The following ARID3B variants were observed in gnomAD, a reference collection of about 807,000 sequenced individuals.
ARID3B encodes AT-rich interactive domain-containing protein 3B.
A neutral mutation model predicts 51.9 loss-of-function variants in ARID3B; 10 were observed. That is an observed-to-expected ratio of 0.19 (90% CI 0.12 to 0.33). The LOEUF (loss-of-function observed/expected upper bound fraction) is 0.33, where lower values mean the gene tolerates loss of function less well. ARID3B is among the 10% of genes least tolerant of loss of function. The pLI is 1.00. For missense variants in ARID3B, 483 were observed against 716.3 expected, an observed-to-expected ratio of 0.67 and a Z score of 3.72; for synonymous variants, 205 against 279.5, an observed-to-expected ratio of 0.73 and a Z score of 2.66.
intron 4 of ARID3B, among the ~76,000 whole-genome samples, chr15:74,582,823 A>G (rs969798400): frequency 6.6e-6 from 1 of 152,218 alleles, no homozygotes; most frequent in Non-Finnish European, 1.5e-5. Context: ...ACTGGAAAGA[A>G]TTCCAATGTC....
chr15:74,595,587 C>T (rs1307515259), intron 8 of ARID3B, 24 bp from the exon 9 acceptor site: 1 of 1,607,972 alleles, frequency 6.2e-7, no homozygotes, highest in Non-Finnish European at 8.5e-7. Context: ...TCTGCCCACA[C>T]TTGCTTCTCT....
At chr15:74,555,379 G>T in intron 2 of ARID3B, among the ~76,000 whole-genome samples, 1 of 152,018 alleles carries the variant, frequency 6.6e-6, no homozygotes, top group East Asian at 1.9e-4. Flanking sequence ...ACCCAGGGTG[G>T]AGTGCAGTGA....
Position 74,573,159 on chromosome 15 carries a change from A to C in ARID3B, c.652A>C (p.Arg218=). 2 of 1,614,138 alleles carry C rather than the reference A, an allele frequency of 1.2e-6. No homozygotes were observed. Among genetic ancestry groups the C allele is most frequent in the Non-Finnish European group, 1.7e-6 (2 of 1,180,026 alleles). Residue 218 remains arginine, a synonymous_variant, in exon 4 of 9, where the codon AGG becomes CGG. Transcript: ENST00000346246. ...KLYELDGDPE[R]KEFLDDLFVF... ...GTATGAACTGGACGGTGATCCTGAAAGGAAAGAGTTCCTGGATGACCTCTT... is the reference window on the plus strand; with the variant it reads ...GTATGAACTGGACGGTGATCCTGAACGGAAAGAGTTCCTGGATGACCTCTT...
Position 74,591,525 on chromosome 15 carries a change from A to C in ARID3B, c.1166-35A>C. 1 of 1,599,952 alleles carries C rather than the reference A, an allele frequency of 6.3e-7. No individual in the cohort carries two copies. Among genetic ancestry groups the C allele is most frequent in the South Asian group, 1.1e-5 (1 of 90,164 alleles). On this transcript the variant is annotated intron_variant, in intron 6 of 8. Coordinates refer to ENST00000346246, the MANE Select transcript of ARID3B (RefSeq NM_006465.4). The surrounding 1 kb of genome is among the most constrained non-coding windows in gnomAD (Gnocchi z 5.8). Reference sequence around the variant, plus strand: ...ACTGGGGTTTTGGGGCAAGAGGGTCAATTGTGGATTGGTCCAGCTCCAGTT... The same window carrying C: ...ACTGGGGTTTTGGGGCAAGAGGGTCCATTGTGGATTGGTCCAGCTCCAGTT...
Position 74,544,454 on chromosome 15 carries a change from A to G in ARID3B, c.518A>G (p.Gln173Arg), listed in dbSNP as rs753023065. The change falls in exon 2 of 9, where the codon CAG becomes CGG. Residue 173 changes from glutamine (Q) to arginine (R), a missense_variant. Transcript: ENST00000346246. ...KASPSVSTAG[Q>R]PNWNLDEQLK... Reference sequence around the variant, plus strand: ...TCACCTTCTGTCTCCACAGCAGGACAGCCGAACTGGAATCTGGATGAGCAG... The same window carrying G: ...TCACCTTCTGTCTCCACAGCAGGACGGCCGAACTGGAATCTGGATGAGCAG... The G allele has an allele frequency of 1.2e-6, 2 of 1,613,980 alleles. No homozygotes were observed. The highest frequency in any genetic ancestry group is 1.7e-6 in the Non-Finnish European group (2 of 1,179,984).
chr15:74,584,584 G>A (rs141313905), intron 4 of ARID3B, among the ~76,000 whole-genome samples: 6 of 152,254 alleles, frequency 3.9e-5, no homozygotes, highest in African/African-American at 7.2e-5. Flanking sequence ...CCCTGGAACC[G>A]GCCCATTCTC....
chr15:74,566,780 AAG>A (rs2061700626), intron 2 of ARID3B, among the ~76,000 whole-genome samples: 1 of 152,190 alleles, frequency 6.6e-6, no homozygotes, highest in African/African-American at 2.4e-5. Flanking sequence ...AAAATAAAAA[AAG>A]AGCATAATTG....
intron 4 of ARID3B, among the ~76,000 whole-genome samples, chr15:74,575,995 G>A (rs1433017446): frequency 6.6e-6 from 1 of 152,174 alleles, no homozygotes; most frequent in Non-Finnish European, 1.5e-5. Context: ...GTGCTGAGCT[G>A]AAGCCTTTCT....
intron 2 of ARID3B, among the ~76,000 whole-genome samples, chr15:74,565,741 T>G (rs1012806235): frequency 3.9e-5 from 6 of 151,914 alleles, no homozygotes; most frequent in South Asian, 2.1e-4. Flanking sequence ...TTTGTTTTTT[T>G]TTTTTTTAAT....
Position 74,591,068 on chromosome 15 carries a change from G to C in ARID3B, c.882-83G>C, listed in dbSNP as rs1251690343. 1.3e-6 allele frequency: 2 copies of C among 1,516,708 alleles called. No individual in the cohort carries two copies. Among genetic ancestry groups the C allele is most frequent in the Non-Finnish European group, 1.8e-6 (2 of 1,131,006 alleles). The allele number at this position is 1,516,708 out of a possible 1,614,324, so 94.0% of individuals were successfully genotyped here. A position where few individuals can be genotyped will look rare whatever the true frequency, so the allele number is the denominator to read the frequency against. On this transcript the variant is annotated intron_variant, in intron 5 of 8. Coordinates refer to ENST00000346246, the MANE Select transcript of ARID3B (RefSeq NM_006465.4). This position sits in a 1 kb window ranked among gnomAD's most constrained non-coding sequence, Gnocchi z 5.8. ...CCTAGAGTCCTGCCCAACAGAGACT[G>C]CTTCCAGAGACCCACCAACCTCAAC...
intron 4 of ARID3B, among the ~76,000 whole-genome samples, chr15:74,576,823 G>A (rs977792695): frequency 1.1e-4 from 17 of 152,180 alleles, no homozygotes; most frequent in Admixed American, 8.5e-4. Context: ...AAGAGCTGTG[G>A]CTCTAGTGTA....
intron 4 of ARID3B, among the ~76,000 whole-genome samples, chr15:74,586,981 G>A (rs1311175532): frequency 1.3e-5 from 2 of 152,314 alleles, no homozygotes; most frequent in South Asian, 2.1e-4. Flanking sequence ...ACAAAAGAGC[G>A]TGTTTTGGGG....
At chr15:74,585,782 G>A (rs1022184592) in intron 4 of ARID3B, among the ~76,000 whole-genome samples, 40 of 152,344 alleles carry the variant, frequency 2.6e-4, no homozygotes, top group African/African-American at 9.6e-4. Context: ...TTGGACAAGA[G>A]AAATGGCTAC....
At chr15:74,559,084 C>G (rs2061669557) in intron 2 of ARID3B, among the ~76,000 whole-genome samples, 1 of 152,126 alleles carries the variant, frequency 6.6e-6, no homozygotes. Flanking sequence ...TGTTTCTGTT[C>G]TGGTTCCTGG....
chr15:74,571,165 C>G (rs1173062151), intron 2 of ARID3B, among the ~76,000 whole-genome samples: 1 of 152,166 alleles, frequency 6.6e-6, no homozygotes, highest in Non-Finnish European at 1.5e-5. Context: ...TCTCAGAGCC[C>G]ACTGTGAATA....
At chr15:74,547,767 A>G (rs941443052) in intron 2 of ARID3B, among the ~76,000 whole-genome samples, 1 of 152,226 alleles carries the variant, frequency 6.6e-6, no homozygotes, top group Admixed American at 6.5e-5. Flanking sequence ...TCACATGCCA[A>G]AGTTTAAAAA....
At chr15:74,589,142 C>G (rs1011418442) in intron 4 of ARID3B, among the ~76,000 whole-genome samples, 1 of 148,778 alleles carries the variant, frequency 6.7e-6, no homozygotes, top group African/African-American at 2.5e-5. Context: ...ATTCTCCTGT[C>G]TCAGCCTTCC....
Position 74,572,948 on chromosome 15 carries a change from C to T in ARID3B, c.624+15C>T. On this transcript the variant is annotated intron_variant, in intron 3 of 8. Transcript: ENST00000346246. ...ATTTTGCCAAGGTCTGTAATACTTC[C>T]TTTGTGATACAGATAGGGGCAGTTC... is the stretch of plus-strand genomic sequence containing the variant. 1.9e-6 allele frequency: 3 copies of T among 1,613,590 alleles called. No homozygotes were observed. Among genetic ancestry groups the T allele is most frequent in the Non-Finnish European group, 2.5e-6 (3 of 1,179,514 alleles).
rs138684383 is a variant in ARID3B at position 74,598,047 on chromosome 15, G to A, written c.*2273G>A. 1.5e-3 allele frequency: 806 copies of A among 529,512 alleles called. 5 individuals carry two copies. In the Middle Eastern group the frequency reaches 0.016, roughly 10 times the overall value. The allele number at this position is 529,512 out of a possible 1,614,324, so 32.8% of individuals were successfully genotyped here. On this transcript the variant is annotated 3_prime_UTR_variant, in exon 9 of 9. Transcript: ENST00000346246. ...TAAATACCTCAGATGTCCTCCTGCA[G>A]CAAGTGTCTATATGTTGTGGTTATT... is the stretch of plus-strand genomic sequence containing the variant.
Sources: allele counts gnomAD v4.1 joint callset (sites outside exome capture counted in the v4.1 genomes callset), GRCh38; gene constraint gnomAD v4.1.1; non-coding constraint Gnocchi (gnomAD v3.1); transcripts MANE v1.5; gene names NCBI Gene and HGNC (gene_info 2026-07-23, HGNC 2026-07-21).